The following MGST1 variants were observed in gnomAD, a reference collection of about 807,000 sequenced individuals.
MGST1 encodes microsomal glutathione S-transferase 1.
Under a neutral mutation model 8.9 loss-of-function variants are expected in MGST1, and 5 were observed. That is an observed-to-expected ratio of 0.56 (90% CI 0.29 to 1.19). The LOEUF (loss-of-function observed/expected upper bound fraction) is 1.19. Among genes scored for constraint, MGST1 ranks in the 50% most tolerant of loss-of-function variants. The pLI is 0.08. For missense variants in MGST1, 182 were observed against 187.4 expected, an observed-to-expected ratio of 0.97 and a Z score of 0.17; for synonymous variants, 54 against 67.8, an observed-to-expected ratio of 0.80 and a Z score of 1.00.
chr12:16,425,434 C>A (rs1195897210), intron 1 of MGST1, among the ~76,000 whole-genome samples: 1 of 152,012 alleles, frequency 6.6e-6, no homozygotes, highest in Non-Finnish European at 1.5e-5. Flanking sequence ...AGATGTGAGC[C>A]ACCAATGCCT....
chr12:16,379,879 G>T (rs1001485218), downstream of MGST1, among the ~76,000 whole-genome samples: 1 of 152,120 alleles, frequency 6.6e-6, no homozygotes, highest in African/African-American at 2.4e-5. Context: ...GTCTTGGGAG[G>T]ATGTATGTGT....
chr12:16,378,117 T>G (rs1000166261), downstream of MGST1, among the ~76,000 whole-genome samples: 9 of 152,082 alleles, frequency 5.9e-5, no homozygotes, highest in Non-Finnish European at 8.8e-5. Flanking sequence ...TCTGATGGTA[T>G]TTTCTTTTGC....
intron 1 of MGST1, among the ~76,000 whole-genome samples, chr12:16,388,208 C>G (rs868824703): frequency 6.6e-6 from 1 of 151,568 alleles, no homozygotes; most frequent in Admixed American, 6.6e-5. Flanking sequence ...ATACTGTAGG[C>G]AATTGTAACA....
intron 4 of MGST1, among the ~76,000 whole-genome samples, chr12:16,523,236 A>G (rs535558754): frequency 2.4e-4 from 36 of 152,170 alleles, no homozygotes; most frequent in African/African-American, 7.9e-4. Context: ...GCTATCACGA[A>G]AAGAGCCCTG....
chr12:16,350,190 T>C (rs1352236848), intron 1 of MGST1, among the ~76,000 whole-genome samples: 5 of 152,206 alleles, frequency 3.3e-5, no homozygotes, highest in African/African-American at 9.7e-5. Flanking sequence ...TCCACCCGAA[T>C]GCCAATCTAG....
chr12:16,399,779 T>C, intron 1 of MGST1: 1 of 1,182,138 alleles, frequency 8.5e-7, no homozygotes, highest in Non-Finnish European at 1.3e-6. Flanking sequence ...AATTCAACCA[T>C]TCCTTGATGG....
chr12:16,488,955 T>A (rs1477161802), intron 4 of MGST1, among the ~76,000 whole-genome samples: 3 of 151,830 alleles, frequency 2.0e-5, no homozygotes, highest in Admixed American at 6.6e-5. Context: ...CAAAACTTTT[T>A]AAAAATATTA....
chr12:16,402,394 A>G, intron 1 of MGST1: 3 of 1,604,658 alleles, frequency 1.9e-6, no homozygotes, highest in Non-Finnish European at 2.6e-6. Flanking sequence ...ACCGATAATA[A>G]GCGTCTTTGT....
At chr12:16,376,308 C>A in exon 4 of MGST1, 1 of 479,380 alleles carries the variant, frequency 2.1e-6, no homozygotes. Flanking sequence ...CGGCTGTTAA[C>A]AACACAAAAA....
chr12:16,426,437 T>C (rs1013788608), intron 1 of MGST1, among the ~76,000 whole-genome samples: 8 of 152,222 alleles, frequency 5.3e-5, no homozygotes, highest in Non-Finnish European at 7.3e-5. Flanking sequence ...CTGCATTCTT[T>C]TTGTTCTAGT....
chr12:16,542,054 C>T (rs892951770), intron 4 of MGST1, among the ~76,000 whole-genome samples: 2 of 152,136 alleles, frequency 1.3e-5, no homozygotes, highest in Non-Finnish European at 2.9e-5. Flanking sequence ...TCTTGGTCAT[C>T]TGTGCTTTAG....
chr12:16,440,268 C>CACAT (rs752441589), downstream of MGST1, among the ~76,000 whole-genome samples: 1 of 150,734 alleles, frequency 6.6e-6, no homozygotes, highest in African/African-American at 2.4e-5. Flanking sequence ...CACACACACA[C>CACAT]ACATACACAG....
At chr12:16,502,750 C>T (rs1019025042) in intron 4 of MGST1, among the ~76,000 whole-genome samples, 2 of 152,188 alleles carry the variant, frequency 1.3e-5, no homozygotes, top group Non-Finnish European at 2.9e-5. Context: ...TCCTCCCCCT[C>T]CCACATATGT....
chr12:16,515,076 C>T (rs1941603211), intron 4 of MGST1, among the ~76,000 whole-genome samples: 1 of 152,204 alleles, frequency 6.6e-6, no homozygotes, highest in Admixed American at 6.5e-5. Context: ...AGACCTAGTT[C>T]TGTCATGAAC....
At chr12:16,355,385 T>G (rs1007730078) in intron 2 of MGST1, among the ~76,000 whole-genome samples, 4 of 151,966 alleles carry the variant, frequency 2.6e-5, no homozygotes, top group Admixed American at 2.6e-4. Flanking sequence ...ATTTTTGTGT[T>G]TTTAGTAGAG....
At chr12:16,495,551 T>C (rs1395295005) in intron 4 of MGST1, among the ~76,000 whole-genome samples, 4 of 152,120 alleles carry the variant, frequency 2.6e-5, no homozygotes, top group Non-Finnish European at 5.9e-5. Flanking sequence ...GCTCATGGTA[T>C]ATGTAGGTCT....
At chr12:16,580,522 C>A (rs1162430290) in intron 4 of MGST1, among the ~76,000 whole-genome samples, 1 of 152,078 alleles carries the variant, frequency 6.6e-6, no homozygotes, top group African/African-American at 2.4e-5. Context: ...TTTGGAAAAC[C>A]TTTGGAGGAC....
chr12:16,501,134 T>A (rs1941503873), intron 4 of MGST1, among the ~76,000 whole-genome samples: 1 of 151,168 alleles, frequency 6.6e-6, no homozygotes, highest in East Asian at 1.9e-4. Context: ...AAAGAGTACT[T>A]AGAGTCAATC....
At chr12:16,569,230 G>T (rs1942725467) in intron 4 of MGST1, among the ~76,000 whole-genome samples, 1 of 152,194 alleles carries the variant, frequency 6.6e-6, no homozygotes, top group South Asian at 2.1e-4. Flanking sequence ...CAATTATTTA[G>T]TGTCAGAGCT....
Sources: allele counts gnomAD v4.1 joint callset (sites outside exome capture counted in the v4.1 genomes callset), GRCh38; gene constraint gnomAD v4.1.1; transcripts MANE v1.5; gene names NCBI Gene and HGNC (gene_info 2026-07-23, HGNC 2026-07-21).